The following DYM variants were observed in gnomAD, a reference collection of about 807,000 sequenced individuals.
The protein encoded by DYM is dymeclin, also known as dyggve-Melchior-Clausen syndrome protein.
A neutral mutation model predicts 93.1 loss-of-function variants in DYM; 78 were observed. That is an observed-to-expected ratio of 0.84 (90% CI 0.70 to 1.01). The LOEUF (loss-of-function observed/expected upper bound fraction) is 1.01. Ranked by LOEUF, DYM falls within the 50% of genes least tolerant of loss-of-function variation. The pLI, the probability that DYM is intolerant of heterozygous loss-of-function variation, is 0.00. For missense variants in DYM, 789 were observed against 845.0 expected, an observed-to-expected ratio of 0.93 and a Z score of 0.82; for synonymous variants, 321 against 319.7, an observed-to-expected ratio of 1.00 and a Z score of -0.04.
At chr18:49,156,732 C>CTAA (rs2086493674) in intron 15 of DYM, among the ~76,000 whole-genome samples, 1 of 63,194 alleles carries the variant, frequency 1.6e-5, no homozygotes, top group African/African-American at 5.2e-5. Context: ...AACGCTGTCT[C>CTAA]AAAAAAAAAA....
chr18:49,294,997 A>C (rs1362345041), intron 8 of DYM, among the ~76,000 whole-genome samples: 2 of 152,206 alleles, frequency 1.3e-5, no homozygotes, highest in Middle Eastern at 3.2e-3. Context: ...ATAGACACGT[A>C]ATGAGTTCCT....
intron 13 of DYM, among the ~76,000 whole-genome samples, chr18:49,241,395 A>C (rs2094005123): frequency 6.6e-6 from 1 of 152,230 alleles, no homozygotes; most frequent in Non-Finnish European, 1.5e-5. Context: ...TCTGAGTCTC[A>C]GTTTCCTCAC....
At chr18:49,080,358 C>T (rs1478451597) in intron 17 of DYM, among the ~76,000 whole-genome samples, 7 of 136,850 alleles carry the variant, frequency 5.1e-5, no homozygotes, top group African/African-American at 1.9e-4. Flanking sequence ...AACTCCCTCC[C>T]GGACGGGGTG....
In DYM at chr18:49,097,492, C is replaced by A. The variant is rs771839172; in HGVS notation, c.1935G>T (p.Arg645Ser). ...ACAGCTCAGCTCCAGCTTGCAGCAACCTTGAGCTAAAGAAGGAGATCACCT... is the reference window on the plus strand; with the variant it reads ...ACAGCTCAGCTCCAGCTTGCAGCAAACTTGAGCTAAAGAAGGAGATCACCT... Reference protein sequence around the residue: ...IDLVISFFSSRLLQAGAELSV... With the variant: ...IDLVISFFSSSLLQAGAELSV... The change falls in exon 17 of 18, where the codon AGG becomes AGT. Residue 645 changes from arginine (R) to serine (S), a missense_variant. Coordinates refer to ENST00000675505, the MANE Select transcript of DYM (RefSeq NM_001353214.3). The A allele has an allele frequency of 3.1e-6, 5 of 1,613,968 alleles. No homozygotes were observed. The highest frequency in any genetic ancestry group is 4.5e-5 in the East Asian group (2 of 44,882).
At chr18:49,176,196 A>T (rs1056734599) in intron 14 of DYM, among the ~76,000 whole-genome samples, 5 of 152,216 alleles carry the variant, frequency 3.3e-5, no homozygotes, top group Non-Finnish European at 5.9e-5. Context: ...CTAACAACTT[A>T]AAAAATGATG....
chr18:49,292,312 A>ACAGGCAGGCAGGCAGGCAGG (rs60150235), intron 8 of DYM, among the ~76,000 whole-genome samples: 2 of 110,998 alleles, frequency 1.8e-5, no homozygotes, highest in East Asian at 2.7e-4. Flanking sequence ...AGACAGACAG[A>ACAGGCAGGCAGGCAGGCAGG]CAGGCAGGCA....
intron 13 of DYM, among the ~76,000 whole-genome samples, chr18:49,220,082 A>C (rs1460819681): frequency 6.6e-6 from 1 of 152,178 alleles, no homozygotes; most frequent in Non-Finnish European, 1.5e-5. Context: ...CAATGTACAA[A>C]AATCACAAGC....
intron 8 of DYM, among the ~76,000 whole-genome samples, chr18:49,294,995 G>A (rs1039390603): frequency 1.3e-5 from 2 of 151,804 alleles, no homozygotes; most frequent in South Asian, 2.1e-4. Context: ...CAATAGACAC[G>A]TAATGAGTTC....
intron 14 of DYM, among the ~76,000 whole-genome samples, chr18:49,170,876 T>A (rs186303310): frequency 7.3e-6 from 1 of 136,542 alleles, no homozygotes; most frequent in South Asian, 2.3e-4. Flanking sequence ...AAATAAGAAG[T>A]AGGAGAAGAA....
intron 17 of DYM, among the ~76,000 whole-genome samples, chr18:49,050,469 A>G (rs953382659): frequency 1.3e-5 from 2 of 152,178 alleles, no homozygotes; most frequent in African/African-American, 4.8e-5. Flanking sequence ...TTTACCATCT[A>G]TGAAGGGGTA....
chr18:49,292,609 A>G (rs1263381578), intron 8 of DYM, among the ~76,000 whole-genome samples: 3,445 of 93,646 alleles, frequency 0.037, 326 homozygotes, highest in African/African-American at 0.15. Flanking sequence ...AAAAAAAAAA[A>G]AAAAAAAAAA....
intron 6 of DYM, among the ~76,000 whole-genome samples, chr18:49,351,095 C>T (rs1021191483): frequency 1.3e-5 from 2 of 151,952 alleles, no homozygotes; most frequent in Non-Finnish European, 2.9e-5. Context: ...AGTCCAGTAT[C>T]TGACTTGAAC....
chr18:49,374,287 T>A (rs1158191168), intron 5 of DYM, among the ~76,000 whole-genome samples: 1 of 152,188 alleles, frequency 6.6e-6, no homozygotes, highest in Non-Finnish European at 1.5e-5. Flanking sequence ...AAATCCTTGA[T>A]TAAGTCTATA....
chr18:49,282,002 T>C lies in DYM; in HGVS notation c.1120A>G (p.Asn374Asp). The C allele has an allele frequency of 1.2e-6, 2 of 1,613,206 alleles. No individual in the cohort carries two copies. The highest frequency in any genetic ancestry group is 1.3e-5 in the African/African-American group (1 of 75,002). ...TYMLARTDMENLVLPILEILY... is the reference protein window; with the variant it reads ...TYMLARTDMEDLVLPILEILY... ...ATGTTTAGTATGATACTTACAAGATTTTCCATATCTGTGCGAGCCAACATG... is the reference window on the plus strand; with the variant it reads ...ATGTTTAGTATGATACTTACAAGATCTTCCATATCTGTGCGAGCCAACATG... The change falls in exon 10 of 18, where the codon AAT becomes GAT. Residue 374 changes from asparagine (N) to aspartate (D), a missense_variant. Asn to Asp is a conservative substitution (Grantham distance 23). This residue lies in a region of DYM where 450 missense variants were observed against 436.2 expected (regional missense o/e 1.03). Coordinates refer to ENST00000675505, the MANE Select transcript of DYM (RefSeq NM_001353214.3).
intron 8 of DYM, among the ~76,000 whole-genome samples, chr18:49,316,553 G>A (rs920076233): frequency 6.6e-6 from 1 of 152,104 alleles, no homozygotes; most frequent in Non-Finnish European, 1.5e-5. Context: ...ATAAATGATA[G>A]TAAATCCACA....
At chr18:49,415,217 G>A (rs2072785063) in intron 2 of DYM, among the ~76,000 whole-genome samples, 1 of 150,224 alleles carries the variant, frequency 6.7e-6, no homozygotes, top group South Asian at 2.1e-4. Flanking sequence ...CTACTCAGGA[G>A]CCTGAGGCAG....
At position 49,286,620 on chromosome 18, in the gene DYM, G is replaced by C. The variant is rs769009090; in HGVS notation, c.764-4C>G. The C allele has an allele frequency of 5.0e-6, 8 of 1,613,512 alleles. No homozygotes were observed. In the Admixed American group the frequency reaches 1.2e-4, roughly 24 times the overall value. On this transcript the variant is annotated splice_polypyrimidine_tract_variant and splice_region_variant and intron_variant, in intron 8 of 17. Coordinates refer to ENST00000675505, the MANE Select transcript of DYM (RefSeq NM_001353214.3). ...GTGAAGACAGTCCAGAGTCCTGCTG[G>C]GGAGGAAAACACCCTGTTAGGATGT... is the stretch of plus-strand genomic sequence containing the variant.
At position 49,391,474 on chromosome 18, in the gene DYM, A is replaced by C. The variant is rs899177148; in HGVS notation, c.193+119T>G. ...CATCTGTGAATGCCACAAATAGAAA[A>C]AATTATTACTATTGCTATCAAAGAA... On this transcript the variant is annotated intron_variant, in intron 3 of 17. Transcript: ENST00000675505. 1.0e-4 allele frequency: 111 copies of C among 1,075,600 alleles called. 1 individual carries two copies. The highest frequency in any genetic ancestry group is 1.4e-4 in the Non-Finnish European group (102 of 704,040). The allele number at this position is 1,075,600 out of a possible 1,614,324, so 66.6% of individuals were successfully genotyped here. A position where few individuals can be genotyped will look rare whatever the true frequency, so the allele number is the denominator to read the frequency against.
rs929723900 is a variant in DYM, at chr18:49,281,978, T to A, written c.1125+19A>T. 1.6e-5 allele frequency: 25 copies of A among 1,606,746 alleles called. No homozygotes were observed. The African/African-American group carries it at 2.8e-4, about 18-fold the overall frequency. On this transcript the variant is annotated intron_variant, in intron 10 of 17. Coordinates refer to ENST00000675505, the MANE Select transcript of DYM (RefSeq NM_001353214.3). ...TAAAAAAAAATACAAACGCATGGAA[T>A]GTTTAGTATGATACTTACAAGATTT...
Sources: allele counts gnomAD v4.1 joint callset (sites outside exome capture counted in the v4.1 genomes callset), GRCh38; gene constraint gnomAD v4.1.1; regional missense constraint gnomAD v4.1.1; transcripts MANE v1.5; gene names NCBI Gene and HGNC (gene_info 2026-07-23, HGNC 2026-07-21).